The following HPCAL1 variants were observed in gnomAD, a reference collection of about 807,000 sequenced individuals.
The protein encoded by HPCAL1 is hippocalcin like 1, also known as hippocalcin-like protein 1.
Under a neutral mutation model 17.1 loss-of-function variants are expected in HPCAL1, and 8 were observed. The ratio of observed to expected loss-of-function variants is 0.47; its 90% CI spans 0.27 to 0.84. The LOEUF (loss-of-function observed/expected upper bound fraction) is 0.84. Among genes scored for constraint, HPCAL1 ranks in the 40% least tolerant of loss-of-function variants. The pLI is 0.13. For missense variants in HPCAL1, 165 were observed against 271.1 expected, an observed-to-expected ratio of 0.61 and a Z score of 2.75; for synonymous variants, 112 against 111.4, an observed-to-expected ratio of 1.01 and a Z score of -0.03.
chr2:10,364,487 C>T (rs1416895148), intron 1 of HPCAL1, among the ~76,000 whole-genome samples: 1 of 151,990 alleles, frequency 6.6e-6, no homozygotes, highest in Non-Finnish European at 1.5e-5. Flanking sequence ...GGAGGCCGAT[C>T]GGGTGTCCCG....
intron 1 of HPCAL1, among the ~76,000 whole-genome samples, chr2:10,329,912 A>G (rs1664252165): frequency 6.6e-6 from 1 of 152,232 alleles, no homozygotes; most frequent in Non-Finnish European, 1.5e-5. Context: ...GCCCTGCCTG[A>G]CTGACCTAGT....
At position 10,304,979 on chromosome 2, in the gene HPCAL1, G is replaced by A. The variant is rs1662527438; in HGVS notation, c.-111+1802G>A. On this transcript the variant is annotated intron_variant, in intron 1 of 4. Transcript: ENST00000307845. The surrounding 1 kb of genome is among the most constrained non-coding windows in gnomAD (Gnocchi z 4.1). The stretch of plus-strand genomic sequence containing the variant: ...CGGGCTGCTTTGCGGGCTTTTAGGA[G>A]CCAGGGATAGAAACCTGGTCCGGTT... 6.6e-6 allele frequency among the ~76,000 whole-genome samples: 1 copy of A among 152,160 alleles called. No homozygotes were observed. The highest frequency in any genetic ancestry group is 1.5e-5 in the Non-Finnish European group (1 of 68,028).
At chr2:10,337,746 C>G (rs1183051454) in intron 1 of HPCAL1, among the ~76,000 whole-genome samples, 1 of 152,208 alleles carries the variant, frequency 6.6e-6, no homozygotes, top group Non-Finnish European at 1.5e-5. Context: ...CCCCCAGCCC[C>G]TTCCTTCCCA....
intron 2 of HPCAL1, among the ~76,000 whole-genome samples, chr2:10,399,513 G>A (rs74171478): frequency 0.55 from 36,363 of 65,840 alleles, 8,376 homozygotes; most frequent in East Asian, 0.64. Flanking sequence ...CACCACCACC[G>A]CCGCCACCAC....
intron 1 of HPCAL1, among the ~76,000 whole-genome samples, chr2:10,327,213 G>C (rs1664071800): frequency 6.6e-6 from 1 of 152,218 alleles, no homozygotes; most frequent in Non-Finnish European, 1.5e-5. Flanking sequence ...AGCTAAGAGT[G>C]GGAGAACTTT....
At chr2:10,418,264 CATAA>C (rs59197150) in intron 2 of HPCAL1, among the ~76,000 whole-genome samples, 32 of 144,256 alleles carry the variant, frequency 2.2e-4, no homozygotes, top group African/African-American at 4.2e-4. Flanking sequence ...ACTAAAAATA[CATAA>C]ATAAATAAAT....
chr2:10,316,532 C>A (rs1219025727), intron 1 of HPCAL1, among the ~76,000 whole-genome samples: 1 of 152,202 alleles, frequency 6.6e-6, no homozygotes, highest in Non-Finnish European at 1.5e-5. Flanking sequence ...TCAATGGCTT[C>A]CCTCCAAAGG....
At chr2:10,423,192 G>A (rs915182352) in intron 4 of HPCAL1, 104 bp downstream of exon 4, 19 of 838,208 alleles carry the variant, frequency 2.3e-5, no homozygotes, top group Non-Finnish European at 3.8e-5. Context: ...GTCTCCTGAG[G>A]GCCACCCCCG....
At chr2:10,373,084 C>T (rs1245401698) in intron 1 of HPCAL1, among the ~76,000 whole-genome samples, 1 of 152,238 alleles carries the variant, frequency 6.6e-6, no homozygotes, top group Non-Finnish European at 1.5e-5. Context: ...CTGTGCAGGG[C>T]AGGTGAGAGC....
intron 2 of HPCAL1, among the ~76,000 whole-genome samples, chr2:10,415,950 G>A (rs2148016092): frequency 6.6e-6 from 1 of 152,340 alleles, no homozygotes; most frequent in South Asian, 2.1e-4. Context: ...CCGAGGGCCA[G>A]GGCAGAAAGC....
At chr2:10,412,670 A>C (rs1670427081) in intron 2 of HPCAL1, among the ~76,000 whole-genome samples, 1 of 152,224 alleles carries the variant, frequency 6.6e-6, no homozygotes, top group African/African-American at 2.4e-5. Context: ...TAAGAAGAGC[A>C]CATGGTCTCG....
intron 2 of HPCAL1, among the ~76,000 whole-genome samples, chr2:10,401,829 T>A (rs1006907557): frequency 3.3e-5 from 5 of 152,202 alleles, no homozygotes; most frequent in African/African-American, 1.2e-4. Flanking sequence ...CATGTTGGAA[T>A]GCTGTCTCCC....
intron 1 of HPCAL1, among the ~76,000 whole-genome samples, chr2:10,361,009 G>A (rs984707897): frequency 1.5e-4 from 22 of 149,612 alleles, no homozygotes; most frequent in African/African-American, 5.5e-4. Flanking sequence ...CGTGTGCTGC[G>A]GGCTGGGATC....
chr2:10,378,734 G>T (rs1331697532), intron 1 of HPCAL1, among the ~76,000 whole-genome samples: 2 of 152,172 alleles, frequency 1.3e-5, no homozygotes, highest in Non-Finnish European at 2.9e-5. Context: ...TTCAGTCCAT[G>T]ACCACATTGC....
At chr2:10,410,972 A>G (rs1670320697) in intron 2 of HPCAL1, among the ~76,000 whole-genome samples, 2 of 144,272 alleles carry the variant, frequency 1.4e-5, no homozygotes, top group East Asian at 4.7e-4. Context: ...GTCGGGCCCG[A>G]CAGCCTCCAG....
At chr2:10,371,686 T>A (rs1489521613) in intron 1 of HPCAL1, among the ~76,000 whole-genome samples, 1 of 152,098 alleles carries the variant, frequency 6.6e-6, no homozygotes. Flanking sequence ...CCTCTAAGAT[T>A]CCCTATTCAC....
chr2:10,311,087 A>G (rs1572609886), intron 1 of HPCAL1, among the ~76,000 whole-genome samples: 2 of 152,134 alleles, frequency 1.3e-5, no homozygotes, highest in Non-Finnish European at 2.9e-5. Flanking sequence ...TGAGTGTGGG[A>G]TGTAGGAGGT....
intron 1 of HPCAL1, among the ~76,000 whole-genome samples, chr2:10,347,906 A>G (rs983103211): frequency 2.0e-4 from 30 of 152,110 alleles, no homozygotes; most frequent in Admixed American, 1.8e-3. Flanking sequence ...GGAGGGGAGG[A>G]GTGCTGTAGA....
Position 10,330,641 on chromosome 2 carries a change from C to G in HPCAL1, c.-111+27464C>G, listed in dbSNP as rs1664306317. Among the ~76,000 whole-genome samples the G allele has an allele frequency of 6.6e-6, 1 of 152,160 alleles. No homozygotes were observed. Among genetic ancestry groups the G allele is most frequent in the African/African-American group, 2.4e-5 (1 of 41,440 alleles). On this transcript the variant is annotated intron_variant, in intron 1 of 4. Coordinates refer to ENST00000307845, the MANE Select transcript of HPCAL1 (RefSeq NM_002149.4). The surrounding 1 kb of genome is among the most constrained non-coding windows in gnomAD (Gnocchi z 4.2). ...GAGTCCCAGTCTCCTTGTGAGGACACCAGCCCTAGATCAGGAGCCACGCAG... is the reference window on the plus strand; with the variant it reads ...GAGTCCCAGTCTCCTTGTGAGGACAGCAGCCCTAGATCAGGAGCCACGCAG...
Sources: allele counts gnomAD v4.1 joint callset (sites outside exome capture counted in the v4.1 genomes callset), GRCh38; gene constraint gnomAD v4.1.1; non-coding constraint Gnocchi (gnomAD v3.1); transcripts MANE v1.5; gene names NCBI Gene and HGNC (gene_info 2026-07-23, HGNC 2026-07-21).